SUCLA2: variants seen among roughly 807,000 people sequenced by gnomAD.
SUCLA2 encodes succinate-CoA ligase ADP-forming subunit beta.
In SUCLA2, 30 loss-of-function variants were observed where a neutral mutation model predicts 54.8. The observed-to-expected ratio is 0.55, with a 90% confidence interval of 0.41 to 0.74. SUCLA2 has a LOEUF of 0.74. Among genes scored for constraint, SUCLA2 ranks in the 30% least tolerant of loss-of-function variants. The probability of loss-of-function intolerance (pLI) is 0.00; values close to 1 mark genes in which losing one functional copy is unlikely to be tolerated. For missense variants in SUCLA2, 476 were observed against 562.9 expected, an observed-to-expected ratio of 0.85 and a Z score of 1.56; for synonymous variants, 172 against 188.9, an observed-to-expected ratio of 0.91 and a Z score of 0.74.
At chr13:47,949,743 AG>A in intron 8 of SUCLA2, 140 bp from the exon 9 acceptor site, 1 of 834,930 alleles carries the variant, frequency 1.2e-6, no homozygotes, top group East Asian at 2.7e-5. Context: ...ACCCTCTTCT[AG>A]CTCTCTTTAT....
Position 47,988,964 on chromosome 13 carries a change from T to C in SUCLA2, c.289A>G (p.Ile97Val), listed in dbSNP as rs1950128569. The part of the protein sequence containing the change: ...AKKLGSKDVV[I>V]KAQVLAGGRG... ...CCACCAGCTAAAACCTGTGCCTTTA[T>C]CACGACATCTTTTGAACCTAGAAGA... The change falls in exon 3 of 11, where the codon ATA (isoleucine) becomes GTA (valine). Residue 97 changes from isoleucine (I) to valine (V), a missense_variant. Around this residue, in one of 2 missense-constraint regions of SUCLA2, gnomAD observed 134 missense variants for 118.7 expected, o/e 1.13. Transcript: ENST00000646932. 1.9e-6 allele frequency: 3 copies of C among 1,613,664 alleles called. No homozygotes were observed. The highest frequency in any genetic ancestry group is 8.5e-7 in the Non-Finnish European group (1 of 1,179,956).
In SUCLA2 at chr13:47,986,548, T is replaced by C. The variant is rs184202873; in HGVS notation, c.534+1993A>G. ...GCTGTGCAGAAGCTCTTTAGCTTAATTAGATCCCATTTGTCAATTTTTGCT... is the reference window on the plus strand; with the variant it reads ...GCTGTGCAGAAGCTCTTTAGCTTAACTAGATCCCATTTGTCAATTTTTGCT... On this transcript the variant is annotated intron_variant, in intron 4 of 10. Coordinates refer to ENST00000646932, the MANE Select transcript of SUCLA2 (RefSeq NM_003850.3). 5.9e-3 allele frequency among the ~76,000 whole-genome samples: 897 copies of C among 152,352 alleles called. 12 individuals are homozygous for C. The highest frequency in any genetic ancestry group is 0.02 in the African/African-American group (813 of 41,578).
rs574484822 is a variant in SUCLA2, at chr13:47,963,546, G to A, written c.802+5049C>T. 1.2e-4 allele frequency among the ~76,000 whole-genome samples: 19 copies of A among 152,226 alleles called. No individual in the cohort carries two copies. The South Asian group carries it at 2.5e-3, about 20-fold the overall frequency. Reference sequence around the variant, plus strand: ...TGTAATCCCAGCTACTCGGGGGGCCGAGACAGGAGAATCGCCTGAACCCGG... The same window carrying A: ...TGTAATCCCAGCTACTCGGGGGGCCAAGACAGGAGAATCGCCTGAACCCGG... On this transcript the variant is annotated intron_variant, in intron 6 of 10. Coordinates refer to ENST00000646932, the MANE Select transcript of SUCLA2 (RefSeq NM_003850.3).
At position 48,001,046 on chromosome 13, in the gene SUCLA2, C is replaced by A. The variant is rs561378570; in HGVS notation, c.90+134G>T. 1.1e-5 allele frequency: 17 copies of A among 1,499,758 alleles called. No homozygotes were observed. In the East Asian group the frequency reaches 3.0e-4, roughly 26 times the overall value. The allele number at this position is 1,499,758 out of a possible 1,614,324, so 92.9% of individuals were successfully genotyped here. On this transcript the variant is annotated intron_variant, in intron 1 of 10. Transcript: ENST00000646932. ...TGGCGAGCAGCACTCCCAGGCAAGT[C>A]GCCCGAGGGCCTTGCAGGGCACCCA...
intron 4 of SUCLA2, among the ~76,000 whole-genome samples, chr13:47,980,239 A>C (rs1950049987): frequency 6.6e-6 from 1 of 152,008 alleles, no homozygotes; most frequent in Non-Finnish European, 1.5e-5. Flanking sequence ...ACACGGTGAA[A>C]CTCCATCTCC....
intron 10 of SUCLA2, among the ~76,000 whole-genome samples, chr13:47,947,353 C>T (rs1486543308): frequency 6.6e-6 from 1 of 151,784 alleles, no homozygotes; most frequent in African/African-American, 2.4e-5. Flanking sequence ...AAAAAAAACC[C>T]TAGGTCACCT....
At position 47,968,623 on chromosome 13, in the gene SUCLA2, A is replaced by T. The variant is rs765852562; in HGVS notation, c.774T>A (p.Asn258Lys). 1 of 1,611,586 alleles carries T rather than the reference A, an allele frequency of 6.2e-7. No individual in the cohort carries two copies. The highest frequency in any genetic ancestry group is 8.5e-7 in the Non-Finnish European group (1 of 1,179,760). ...LKYDATMIEI[N>K]PMVEDSDGAV... The stretch of plus-strand genomic sequence containing the variant: ...CTCCATCTGAATCTTCCACCATTGG[A>T]TTTATTTCTATCATGGTTGCATCGT... The change falls in exon 6 of 11, where the codon AAT becomes AAA. Residue 258 changes from asparagine to lysine, a missense_variant. Transcript: ENST00000646932.
rs1283671661 is a variant in SUCLA2, at chr13:47,954,368, C to T, written c.964+28G>A. On this transcript the variant is annotated intron_variant, in intron 7 of 10. Transcript: ENST00000646932. ...TAAATCCAAATTAAACTTAGTGAAT[C>T]CAATTCTAACATAAAAACACATGGT... is the stretch of plus-strand genomic sequence containing the variant. The T allele has an allele frequency of 2.5e-6, 4 of 1,613,760 alleles. No individual in the cohort carries two copies. The African/African-American group carries it at 5.3e-5, about 22-fold the overall frequency.
At chr13:47,948,898 CTG>C (rs1364718321) in intron 10 of SUCLA2, 40 bp downstream of exon 10, 2 of 1,561,488 alleles carry the variant, frequency 1.3e-6, no homozygotes, top group Middle Eastern at 1.7e-4. Context: ...ATTTTAGAAT[CTG>C]TGTTTATAAA....
intron 4 of SUCLA2, among the ~76,000 whole-genome samples, chr13:47,976,507 T>C (rs1173498538): frequency 6.6e-6 from 1 of 152,170 alleles, no homozygotes; most frequent in African/African-American, 2.4e-5. Flanking sequence ...TCAACTGATA[T>C]GGGTGCTGAT....
intron 10 of SUCLA2, among the ~76,000 whole-genome samples, chr13:47,944,055 C>T (rs1264426731): frequency 1.3e-5 from 2 of 151,834 alleles, no homozygotes; most frequent in South Asian, 4.1e-4. Flanking sequence ...ATGTCTAAGA[C>T]CAAAAAAACA....
intron 2 of SUCLA2, among the ~76,000 whole-genome samples, chr13:47,995,380 T>C (rs1358207012): frequency 6.6e-6 from 1 of 152,112 alleles, no homozygotes; most frequent in Non-Finnish European, 1.5e-5. Flanking sequence ...AAAAGTTTGC[T>C]TGTAATCTGA....
At position 47,943,317 on chromosome 13, in the gene SUCLA2, T is replaced by C. The variant is rs1949700339; in HGVS notation, c.*54A>G. The stretch of plus-strand genomic sequence containing the variant: ...AAGAACAATAACACAGAACACAGTA[T>C]TCTTAATGATTATAGCACATTTAAC... On this transcript the variant is annotated 3_prime_UTR_variant, in exon 11 of 11. Transcript: ENST00000646932. 1 of 1,509,718 alleles carries C rather than the reference T, an allele frequency of 6.6e-7. No homozygotes were observed. The highest frequency in any genetic ancestry group is 1.7e-5 in the Admixed American group (1 of 59,892). The allele number at this position is 1,509,718 out of a possible 1,614,324, so 93.5% of individuals were successfully genotyped here.
rs746856711 is a variant in SUCLA2, at chr13:47,949,605, T to C, written c.1108-2A>G. 3 of 1,613,312 alleles carry C rather than the reference T, an allele frequency of 1.9e-6. No individual in the cohort carries two copies. The South Asian group carries it at 3.3e-5, about 18-fold the overall frequency. On this transcript the variant is annotated splice_acceptor_variant, in intron 8 of 10. Transcript: ENST00000646932. LOFTEE classifies it high-confidence loss of function. ...AATGTTGACCAGAATAGCCAGTACC[T>C]ATGAATAAAGTGTTCTGATAGATTA...
intron 8 of SUCLA2, among the ~76,000 whole-genome samples, chr13:47,950,333 G>A (rs942063570): frequency 6.6e-6 from 1 of 152,150 alleles, no homozygotes; most frequent in Non-Finnish European, 1.5e-5. Flanking sequence ...AGCCACCCAA[G>A]CCATAGCTTC....
chr13:47,990,760 G>T (rs1430028530), intron 2 of SUCLA2, among the ~76,000 whole-genome samples: 1 of 152,160 alleles, frequency 6.6e-6, no homozygotes, highest in East Asian at 1.9e-4. Flanking sequence ...CAAGCAGAAT[G>T]AGAGGAAGCT....
chr13:47,957,692 C>T (rs1361094227), intron 6 of SUCLA2, among the ~76,000 whole-genome samples: 1 of 152,128 alleles, frequency 6.6e-6, no homozygotes, highest in African/African-American at 2.4e-5. Flanking sequence ...GAGGGAAGCA[C>T]CCTAACTGTT....
intron 6 of SUCLA2, among the ~76,000 whole-genome samples, chr13:47,956,559 G>A (rs1949823010): frequency 6.6e-6 from 1 of 152,128 alleles, no homozygotes; most frequent in Admixed American, 6.6e-5. Context: ...GCAGAATAAT[G>A]GAAACAATAT....
At chr13:47,968,031 T>C (rs941587917) in intron 6 of SUCLA2, among the ~76,000 whole-genome samples, 1 of 152,152 alleles carries the variant, frequency 6.6e-6, no homozygotes, top group African/African-American at 2.4e-5. Flanking sequence ...TTCCCCAGGA[T>C]ATGTTATTAA....
Sources: gnomAD v4.1 joint callset for allele counts (sites outside exome capture counted in the v4.1 genomes callset) on GRCh38, gnomAD v4.1.1 for gene constraint, gnomAD v4.1.1 regional missense constraint, MANE v1.5 for transcripts, NCBI Gene and HGNC (gene_info 2026-07-23, HGNC 2026-07-21) for gene names.